EEPD1: variants seen among roughly 807,000 people sequenced by gnomAD.
The protein encoded by EEPD1 is endonuclease/exonuclease/phosphatase family domain containing 1.
A neutral mutation model predicts 46.3 loss-of-function variants in EEPD1; 17 were observed. The ratio of observed to expected loss-of-function variants is 0.37; its 90% confidence interval spans 0.25 to 0.55. The LOEUF is 0.55. Among genes scored for constraint, EEPD1 ranks in the 20% least tolerant of loss-of-function variants. The pLI is 0.83. For synonymous variants in EEPD1, 313 were observed against 315.6 expected, an observed-to-expected ratio of 0.99 and a Z score of 0.09; for missense variants, 673 against 745.6, an observed-to-expected ratio of 0.90 and a Z score of 1.13.
At chr7:36,186,695 G>A (rs1257752046) in intron 2 of EEPD1, among the ~76,000 whole-genome samples, 2 of 152,240 alleles carry the variant, frequency 1.3e-5, no homozygotes. Flanking sequence ...AAATAAATAT[G>A]TAGCTAAGGC....
At chr7:36,184,587 T>G (rs1388480664) in intron 2 of EEPD1, among the ~76,000 whole-genome samples, 1 of 152,202 alleles carries the variant, frequency 6.6e-6, no homozygotes, top group Non-Finnish European at 1.5e-5. Context: ...GGCAGTCCCT[T>G]CAGTTTGAGG....
intron 2 of EEPD1, among the ~76,000 whole-genome samples, chr7:36,210,522 T>A (rs1286276271): frequency 6.6e-6 from 1 of 152,178 alleles, no homozygotes; most frequent in Non-Finnish European, 1.5e-5. Flanking sequence ...GCTGTCTTTT[T>A]AAAACATGAA....
intron 2 of EEPD1, among the ~76,000 whole-genome samples, chr7:36,175,793 C>T (rs1785166533): frequency 6.6e-6 from 1 of 152,174 alleles, no homozygotes; most frequent in Admixed American, 6.5e-5. Context: ...TTTAAAGGTA[C>T]AAGGAGCGGT....
intron 3 of EEPD1, among the ~76,000 whole-genome samples, chr7:36,248,502 C>T (rs1367243151): frequency 3.4e-5 from 5 of 146,164 alleles, no homozygotes; most frequent in Non-Finnish European, 7.4e-5. Context: ...CCACCACCCT[C>T]GGCCAGATAC....
At chr7:36,238,913 G>T (rs945393891) in intron 2 of EEPD1, 72 bp from the exon 3 acceptor site, 5 of 1,477,522 alleles carry the variant, frequency 3.4e-6, no homozygotes, top group South Asian at 2.6e-5. Context: ...TTGTTCTTGC[G>T]ACTTGTTAGA....
At chr7:36,234,787 G>C (rs1414542042) in intron 2 of EEPD1, among the ~76,000 whole-genome samples, 3 of 152,138 alleles carry the variant, frequency 2.0e-5, no homozygotes, top group Non-Finnish European at 4.4e-5. Context: ...GAGAGGAAAT[G>C]ACCAGTGAGC....
chr7:36,194,317 T>G (rs1343538124), intron 2 of EEPD1, among the ~76,000 whole-genome samples: 1 of 152,190 alleles, frequency 6.6e-6, no homozygotes, highest in Non-Finnish European at 1.5e-5. Flanking sequence ...AATGGATGAA[T>G]GAGTGAATGA....
chr7:36,236,394 T>TTGATC (rs945039564), intron 2 of EEPD1, among the ~76,000 whole-genome samples: 6 of 152,364 alleles, frequency 3.9e-5, no homozygotes, highest in Admixed American at 2.6e-4. Flanking sequence ...CTTGCTGGGC[T>TTGATC]TGATCGGAGG....
chr7:36,279,049 A>G (rs1787221816), intron 3 of EEPD1, among the ~76,000 whole-genome samples: 1 of 152,166 alleles, frequency 6.6e-6, no homozygotes. Context: ...AATGGAGGCA[A>G]CTACTTGGAT....
At chr7:36,196,813 C>T (rs1382550547) in intron 2 of EEPD1, among the ~76,000 whole-genome samples, 2 of 152,148 alleles carry the variant, frequency 1.3e-5, no homozygotes, top group Non-Finnish European at 2.9e-5. Context: ...GCGAAGATTG[C>T]AGCCTCTGCC....
chr7:36,263,581 G>A (rs868380417), intron 3 of EEPD1, among the ~76,000 whole-genome samples: 1 of 152,176 alleles, frequency 6.6e-6, no homozygotes, highest in African/African-American at 2.4e-5. Context: ...GAAGTGTCCA[G>A]GATTAAAACA....
At chr7:36,194,920 TACTC>T (rs899392521) in intron 2 of EEPD1, among the ~76,000 whole-genome samples, 3 of 152,208 alleles carry the variant, frequency 2.0e-5, no homozygotes, top group African/African-American at 7.2e-5. Flanking sequence ...TAGACACAAA[TACTC>T]ACAAACCTGG....
In EEPD1 at chr7:36,299,038, G is replaced by T; in HGVS notation, c.1542G>T (p.Thr514=). The stretch of plus-strand genomic sequence containing the variant: ...GGGCTGTGGTGAGAGAAGGCCTCAC[G>T]AACCCTTGGATTCCGGATAACTGGT... ...GHWAVVREGL[T]NPWIPDNWSW... is the part of the protein sequence containing the mutation. Residue 514 remains threonine (T), a synonymous_variant, in exon 8 of 8, where the codon ACG becomes ACT. Transcript: ENST00000242108. The T allele has an allele frequency of 6.2e-7, 1 of 1,614,072 alleles. No individual in the cohort carries two copies. Among genetic ancestry groups the T allele is most frequent in the Non-Finnish European group, 8.5e-7 (1 of 1,180,024 alleles).
chr7:36,158,568 G>A (rs1293923477), intron 2 of EEPD1, among the ~76,000 whole-genome samples: 1 of 152,162 alleles, frequency 6.6e-6, no homozygotes, highest in Non-Finnish European at 1.5e-5. Context: ...CGTGAGGTAG[G>A]ACAGCATTAT....
At chr7:36,298,907 C>A in intron 7 of EEPD1, 100 bp from the exon 8 acceptor site, 2 of 1,396,030 alleles carry the variant, frequency 1.4e-6, no homozygotes, top group Non-Finnish European at 9.9e-7. Flanking sequence ...GGCACCCCGG[C>A]CTGCAGACAT....
intron 3 of EEPD1, among the ~76,000 whole-genome samples, chr7:36,239,469 A>G (rs1175050211): frequency 6.6e-6 from 1 of 152,038 alleles, no homozygotes; most frequent in Non-Finnish European, 1.5e-5. Flanking sequence ...AGGCAAATGA[A>G]CTAAGTAGAG....
chr7:36,271,295 C>T (rs112080593), intron 3 of EEPD1, among the ~76,000 whole-genome samples: 1 of 152,082 alleles, frequency 6.6e-6, no homozygotes, highest in African/African-American at 2.4e-5. Context: ...TTTTAATGAT[C>T]GCCGTTCTAA....
intron 3 of EEPD1, among the ~76,000 whole-genome samples, chr7:36,251,016 C>T (rs1264364905): frequency 6.6e-6 from 1 of 152,178 alleles, no homozygotes; most frequent in Non-Finnish European, 1.5e-5. Context: ...GGTTAGAGTC[C>T]AGTCAGATTT....
Position 36,165,411 on chromosome 7 carries a change from C to CTTTTTTTTTTTTTTTTT in EEPD1, c.878+10221_878+10237dup, listed in dbSNP as rs56236165. 3.2e-5 allele frequency among the ~76,000 whole-genome samples: 2 copies of CTTTTTTTTTTTTTTTTT among 62,062 alleles called. 1 individual carries two copies. Among genetic ancestry groups the CTTTTTTTTTTTTTTTTT allele is most frequent in the African/African-American group, 1.4e-4 (2 of 14,076 alleles). 40.7% of individuals were successfully genotyped at this position (62,062 alleles called of 152,430 possible). ...ATGAAATCGCCTAATGATCCATTTC[C>CTTTTTTTTTTTTTTTTT]TTTTTTTTTTTTTTTTTTTTTTTTT... On this transcript the variant is annotated intron_variant, in intron 2 of 7. Transcript: ENST00000242108.
Sources: allele counts gnomAD v4.1 joint callset (sites outside exome capture counted in the v4.1 genomes callset), GRCh38; gene constraint gnomAD v4.1.1; transcripts MANE v1.5; gene names NCBI Gene and HGNC (gene_info 2026-07-23, HGNC 2026-07-21).